The following SUMF1 variants were observed in gnomAD, a reference collection of about 807,000 sequenced individuals.
SUMF1 encodes the protein formylglycine-generating enzyme.
Under a neutral mutation model 47.6 loss-of-function variants are expected in SUMF1, and 48 were observed. The observed-to-expected ratio is 1.01, with a 90% CI of 0.80 to 1.28. The LOEUF (loss-of-function observed/expected upper bound fraction) is 1.28. SUMF1 is among the 50% of genes most tolerant of loss of function. The pLI is 0.00. For synonymous variants in SUMF1, 230 were observed against 192.1 expected (o/e 1.20, Z -1.63); for missense variants, 571 against 485.4 (o/e 1.18, Z -1.66).
intron 2 of SUMF1, among the ~76,000 whole-genome samples, chr3:4,451,359 G>C (rs1702961035): frequency 6.6e-6 from 1 of 152,172 alleles, no homozygotes; most frequent in African/African-American, 2.4e-5. Flanking sequence ...GTGGTTTGCT[G>C]TTTGCATCAT....
intron 8 of SUMF1, among the ~76,000 whole-genome samples, chr3:4,340,996 T>C (rs763056588): frequency 3.9e-5 from 6 of 152,186 alleles, no homozygotes; most frequent in Non-Finnish European, 8.8e-5. Flanking sequence ...ACAATATCCT[T>C]TGTGTTAGGA....
intron 1 of SUMF1, 149 bp from the exon 2 acceptor site, chr3:4,453,198 C>G: frequency 1.3e-6 from 1 of 778,462 alleles, no homozygotes; most frequent in Non-Finnish European, 2.1e-6. Flanking sequence ...CTCTCTATAC[C>G]CCAAAGAAGG....
rs912805919 is a variant in SUMF1 at position 4,159,471 on chromosome 3, C to A, written c.1015-90726G>T. On this transcript the variant is annotated intron_variant and NMD_transcript_variant, in intron 8 of 12. Coordinates refer to the SUMF1 transcript ENST00000448413. ...TAACTTCATTTTGCCCAGTTTTAAA[C>A]CTTTTGTTTTTTCTATTTATATCTT... 4.6e-5 allele frequency among the ~76,000 whole-genome samples: 7 copies of A among 151,132 alleles called. No homozygotes were observed. In the South Asian group the frequency reaches 1.3e-3, roughly 27 times the overall value.
intron 8 of SUMF1, among the ~76,000 whole-genome samples, chr3:4,352,118 T>G (rs1699515924): frequency 6.6e-6 from 1 of 152,026 alleles, no homozygotes; most frequent in Non-Finnish European, 1.5e-5. Flanking sequence ...CCGTCTTCAG[T>G]CCACCACTCC....
At chr3:4,224,305 G>C (rs965624353) in intron 8 of SUMF1, among the ~76,000 whole-genome samples, 32 of 152,248 alleles carry the variant, frequency 2.1e-4, no homozygotes, top group Non-Finnish European at 1.5e-4. Context: ...AGTGTCAACA[G>C]ATGGCCTAGC....
chr3:4,062,974 A>G (rs1162432677), intron 9 of SUMF1, among the ~76,000 whole-genome samples: 1 of 152,140 alleles, frequency 6.6e-6, no homozygotes, highest in Non-Finnish European at 1.5e-5. Context: ...CTTATAATTG[A>G]AATTCTTTCT....
rs2079852728 is a variant in SUMF1 at position 4,462,968 on chromosome 3, TAGG to T, written c.270+4005_270+4007del. On this transcript the variant is annotated intron_variant, in intron 1 of 8. Coordinates refer to ENST00000272902, the MANE Select transcript of SUMF1 (RefSeq NM_182760.4). The stretch of plus-strand genomic sequence containing the variant: ...GAGATGATCTCTCTCACAGGATTCT[TAGG>T]AGGATGAATACAGCAAAAGAATACT... Among the ~76,000 whole-genome samples the T allele has an allele frequency of 2.6e-5, 4 of 152,308 alleles. No individual in the cohort carries two copies. In the South Asian group the frequency reaches 8.3e-4, roughly 32 times the overall value.
At chr3:4,147,380 G>A (rs1033155096) in intron 8 of SUMF1, among the ~76,000 whole-genome samples, 2 of 152,084 alleles carry the variant, frequency 1.3e-5, no homozygotes, top group Non-Finnish European at 2.9e-5. Flanking sequence ...GTTTATTGTG[G>A]CACTATTCAC....
At chr3:4,065,680 C>A (rs1383576760) in intron 9 of SUMF1, among the ~76,000 whole-genome samples, 1 of 151,990 alleles carries the variant, frequency 6.6e-6, no homozygotes, top group Non-Finnish European at 1.5e-5. Context: ...ATTTTGAGTG[C>A]CTATGGAGTG....
chr3:4,397,381 G>A (rs1335211742), intron 7 of SUMF1, among the ~76,000 whole-genome samples: 2 of 152,190 alleles, frequency 1.3e-5, no homozygotes, highest in East Asian at 3.8e-4. Flanking sequence ...TCAGTCCTGA[G>A]TGCAGGGCCG....
intron 9 of SUMF1, among the ~76,000 whole-genome samples, chr3:4,039,862 A>G (rs1164334839): frequency 6.6e-6 from 1 of 152,076 alleles, no homozygotes; most frequent in Admixed American, 6.5e-5. Context: ...TTCTACAAAA[A>G]AAATTTTCAA....
intron 3 of SUMF1, among the ~76,000 whole-genome samples, chr3:4,436,328 G>A (rs931507300): frequency 6.6e-5 from 10 of 151,978 alleles, no homozygotes; most frequent in African/African-American, 1.9e-4. Context: ...TGTTATGTAC[G>A]TATATTATAT....
At chr3:4,193,505 G>A (rs1253182037) in intron 8 of SUMF1, among the ~76,000 whole-genome samples, 1 of 152,068 alleles carries the variant, frequency 6.6e-6, no homozygotes, top group Non-Finnish European at 1.5e-5. Context: ...AGTCTTTTGT[G>A]GGAGACTGTG....
chr3:4,310,109 A>G (rs533402369), intron 8 of SUMF1, among the ~76,000 whole-genome samples: 28 of 152,352 alleles, frequency 1.8e-4, no homozygotes, highest in Non-Finnish European at 3.1e-4. Context: ...ACATACAGCA[A>G]AAATACTGTA....
chr3:4,409,017 C>T (rs930912442), intron 7 of SUMF1, among the ~76,000 whole-genome samples: 5 of 151,830 alleles, frequency 3.3e-5, no homozygotes, highest in Non-Finnish European at 5.9e-5. Flanking sequence ...AAATATTTTA[C>T]ACTTTATTCT....
At chr3:4,096,313 T>C (rs894629462) in intron 8 of SUMF1, among the ~76,000 whole-genome samples, 18 of 152,138 alleles carry the variant, frequency 1.2e-4, no homozygotes, top group Non-Finnish European at 2.9e-5. Context: ...TCTAAGGGTC[T>C]TTCTCCCACA....
chr3:4,324,630 C>A (rs751657446), intron 8 of SUMF1, among the ~76,000 whole-genome samples: 1 of 152,104 alleles, frequency 6.6e-6, no homozygotes, highest in Non-Finnish European at 1.5e-5. Context: ...TGCATTGTCT[C>A]ATGCTCAGTA....
intron 3 of SUMF1, among the ~76,000 whole-genome samples, chr3:4,446,462 T>A (rs1702784133): frequency 1.3e-5 from 2 of 152,206 alleles, no homozygotes; most frequent in African/African-American, 2.4e-5. Flanking sequence ...TTTTTCTTTA[T>A]AAATTACCCA....
In SUMF1 at chr3:4,178,900, GACAA is replaced by G. The variant is rs373344861; in HGVS notation, c.1015-110159_1015-110156del. The stretch of plus-strand genomic sequence containing the variant: ...CAAGCATTCCAGTAAACCATTAACA[GACAA>G]ACAAAGAGCCAAATCATGAATGAAC... On this transcript the variant is annotated intron_variant and NMD_transcript_variant, in intron 8 of 12. Transcript: ENST00000448413. 2.6e-4 allele frequency among the ~76,000 whole-genome samples: 40 copies of G among 152,152 alleles called. 1 individual carries two copies. The South Asian group carries it at 7.7e-3, about 29-fold the overall frequency.
Sources: allele counts gnomAD v4.1 joint callset (sites outside exome capture counted in the v4.1 genomes callset), GRCh38; gene constraint gnomAD v4.1.1; transcripts MANE v1.5; gene names NCBI Gene and HGNC (gene_info 2026-07-23, HGNC 2026-07-21).